HIVEP3: variants seen among roughly 807,000 people sequenced by gnomAD.
HIVEP3 encodes the protein transcription factor HIVEP3.
Under a neutral mutation model 152.8 loss-of-function variants are expected in HIVEP3, and 49 were observed. The observed-to-expected ratio is 0.32, with a 90% CI of 0.26 to 0.41. The LOEUF (loss-of-function observed/expected upper bound fraction) is 0.41, where lower values mean the gene tolerates loss of function less well. Ranked by LOEUF, HIVEP3 falls within the 10% of genes least tolerant of loss-of-function variation. HIVEP3 has a pLI of 1.00. For synonymous variants in HIVEP3, 1,269 were observed against 1,289.0 expected (o/e 0.98, Z 0.33); for missense variants, 2,790 against 3,103.3 (o/e 0.90, Z 2.40).
chr1:41,851,518 G>C (rs1234840443), intron 1 of HIVEP3, among the ~76,000 whole-genome samples: 1 of 151,948 alleles, frequency 6.6e-6, no homozygotes, highest in Non-Finnish European at 1.5e-5. Context: ...AGCCAGGATG[G>C]TCTCAATCTC....
chr1:41,700,312 G>C (rs147194073), intron 2 of HIVEP3, among the ~76,000 whole-genome samples: 1 of 152,346 alleles, frequency 6.6e-6, no homozygotes, highest in African/African-American at 2.4e-5. Context: ...TGAGAGGGCA[G>C]GCATGGGGCT....
At chr1:41,999,394 T>C (rs1182575973) in intron 1 of HIVEP3, among the ~76,000 whole-genome samples, 2 of 152,092 alleles carry the variant, frequency 1.3e-5, no homozygotes, top group African/African-American at 2.4e-5. Context: ...ATAAAAGTGC[T>C]AGAGGGAGAT....
intron 2 of HIVEP3, among the ~76,000 whole-genome samples, chr1:41,649,819 T>C (rs1487487955): frequency 6.6e-6 from 1 of 152,188 alleles, no homozygotes; most frequent in Non-Finnish European, 1.5e-5. Flanking sequence ...AATATGCTCA[T>C]TAAATCTGCA....
At chr1:41,732,821 A>G (rs1280747608) in intron 1 of HIVEP3, among the ~76,000 whole-genome samples, 1 of 152,114 alleles carries the variant, frequency 6.6e-6, no homozygotes, top group Non-Finnish European at 1.5e-5. Context: ...TCTCTTCTCC[A>G]GAGGGCCCTG....
intron 1 of HIVEP3, among the ~76,000 whole-genome samples, chr1:42,023,657 C>G (rs1439929576): frequency 2.0e-5 from 3 of 152,090 alleles, no homozygotes; most frequent in Non-Finnish European, 4.4e-5. Context: ...CCGCCATTCT[C>G]TCTCTCTTGC....
At chr1:41,951,765 A>G (rs1645108382) in intron 1 of HIVEP3, among the ~76,000 whole-genome samples, 1 of 152,074 alleles carries the variant, frequency 6.6e-6, no homozygotes, top group Non-Finnish European at 1.5e-5. Context: ...AAACCATCAG[A>G]TCTCATGAGA....
intron 5 of HIVEP3, among the ~76,000 whole-genome samples, chr1:41,527,230 TCACA>T (rs1267359587): frequency 2.0e-5 from 1 of 49,012 alleles, no homozygotes; most frequent in Non-Finnish European, 4.2e-5. Context: ...ACACTCACCC[TCACA>T]CACTCACCTC....
chr1:41,680,071 A>T (rs1646015348), intron 2 of HIVEP3, among the ~76,000 whole-genome samples: 1 of 152,226 alleles, frequency 6.6e-6, no homozygotes, highest in South Asian at 2.1e-4. Context: ...ATGGGCCAGG[A>T]TGGTTGAGCC....
chr1:41,568,355 A>G (rs1644200697), intron 5 of HIVEP3, among the ~76,000 whole-genome samples: 1 of 152,262 alleles, frequency 6.6e-6, no homozygotes, highest in Admixed American at 6.5e-5. Context: ...GCAAGTGCAA[A>G]GGCCCTGGGG....
intron 2 of HIVEP3, among the ~76,000 whole-genome samples, chr1:41,688,824 T>G (rs1160102983): frequency 1.3e-5 from 2 of 151,810 alleles, no homozygotes; most frequent in African/African-American, 2.4e-5. Flanking sequence ...CGGATCTGTT[T>G]TTTTTTTTTG....
intron 5 of HIVEP3, among the ~76,000 whole-genome samples, chr1:41,556,215 A>G (rs2810560): frequency 0.79 from 120,317 of 152,180 alleles, 48,591 homozygotes; most frequent in Non-Finnish European, 0.89. Context: ...ACCGTTTTTC[A>G]CAGCGGCTGC....
chr1:41,796,518 C>A (rs1488459372), intron 1 of HIVEP3, among the ~76,000 whole-genome samples: 2 of 152,210 alleles, frequency 1.3e-5, no homozygotes, highest in Non-Finnish European at 2.9e-5. Flanking sequence ...ATCTGGTATT[C>A]TGTGATTACA....
chr1:41,621,259 A>G (rs1645043287), intron 3 of HIVEP3, among the ~76,000 whole-genome samples: 1 of 152,354 alleles, frequency 6.6e-6, no homozygotes, highest in East Asian at 1.9e-4. Flanking sequence ...TATGGGACAG[A>G]GCCCTGGAAT....
intron 1 of HIVEP3, among the ~76,000 whole-genome samples, chr1:42,019,680 A>G (rs1645543110): frequency 1.3e-5 from 2 of 151,996 alleles, no homozygotes; most frequent in South Asian, 4.1e-4. Context: ...TTGCCTATTG[A>G]TAATGACAGT....
intron 1 of HIVEP3, among the ~76,000 whole-genome samples, chr1:41,826,096 T>C (rs1642794492): frequency 6.6e-6 from 1 of 152,226 alleles, no homozygotes; most frequent in African/African-American, 2.4e-5. Flanking sequence ...ACTCCCTTGC[T>C]CTGACATAGG....
intron 2 of HIVEP3, among the ~76,000 whole-genome samples, chr1:41,668,318 G>A (rs1383537636): frequency 6.6e-6 from 1 of 152,232 alleles, no homozygotes; most frequent in African/African-American, 2.4e-5. Context: ...AGACATGGGC[G>A]AGAGAGATGA....
At chr1:41,592,755 T>A (rs773941225) in intron 3 of HIVEP3, among the ~76,000 whole-genome samples, 4 of 152,258 alleles carry the variant, frequency 2.6e-5, no homozygotes, top group African/African-American at 4.8e-5. Context: ...TTTCTGCAGA[T>A]GCTTGGCTCA....
chr1:41,580,051 A>G lies in HIVEP3; in HGVS notation c.4747T>C (p.Ser1583Pro), dbSNP rs774955363. Residue 1583 changes from serine to proline, a missense_variant, in exon 4 of 9, where the codon TCA becomes CCA. By Grantham distance (74) the Ser-to-Pro change is moderately conservative. Around this residue, in one of 9 missense-constraint regions of HIVEP3, gnomAD observed 1,078 missense variants for 1,165.3 expected, o/e 0.93. Coordinates refer to ENST00000372583, the MANE Select transcript of HIVEP3 (RefSeq NM_024503.5). ...LSETSSRPAKSQEGTDSKKVL... is the reference protein window; with the variant it reads ...LSETSSRPAKPQEGTDSKKVL... The stretch of plus-strand genomic sequence containing the variant: ...TTCTTTGAGTCCGTACCTTCTTGTG[A>G]CTTGGCTGGTCTGGAGGACGTTTCT... 5.6e-6 allele frequency: 9 copies of G among 1,614,082 alleles called. No homozygotes were observed. In the African/African-American group the frequency reaches 1.2e-4, roughly 22 times the overall value.
rs561307955 is a variant in HIVEP3, at chr1:41,852,055, A to G, written c.-801+66358T>C. 4.6e-5 allele frequency among the ~76,000 whole-genome samples: 7 copies of G among 152,376 alleles called. 1 individual carries two copies. Among genetic ancestry groups the G allele is most frequent in the South Asian group, 2.1e-4 (1 of 4,834 alleles). On this transcript the variant is annotated intron_variant, in intron 1 of 8. Transcript: ENST00000372583. ...CACTCTCTGTAAATAGTAAAATAAT[A>G]TAAGTTGCTATTAAATGATTATTGA...
Sources: gnomAD v4.1 joint callset for allele counts (sites outside exome capture counted in the v4.1 genomes callset) on GRCh38, gnomAD v4.1.1 for gene constraint, gnomAD v4.1.1 regional missense constraint, MANE v1.5 for transcripts, NCBI Gene and HGNC (gene_info 2026-07-23, HGNC 2026-07-21) for gene names.